Variants in EIF4B observed in about 807,000 individuals in gnomAD.
EIF4B encodes the protein eukaryotic translation initiation factor 4B.
In EIF4B, 8 loss-of-function variants were observed where a neutral mutation model predicts 79.3. The ratio of observed to expected loss-of-function variants is 0.10; its 90% CI spans 0.06 to 0.18. The LOEUF (loss-of-function observed/expected upper bound fraction) is 0.18, where lower values mean the gene tolerates loss of function less well. Ranked by LOEUF, EIF4B falls within the 10% of genes least tolerant of loss-of-function variation. EIF4B has a pLI of 1.00. For synonymous variants in EIF4B, 238 were observed against 274.7 expected (o/e 0.87, Z 1.32); for missense variants, 515 against 792.4 (o/e 0.65, Z 4.20).
intron 8 of EIF4B, among the ~76,000 whole-genome samples, chr12:53,028,568 A>G (rs1287425232): frequency 6.6e-6 from 1 of 151,928 alleles, no homozygotes; most frequent in Admixed American, 6.6e-5. Context: ...AAAAAAAAAA[A>G]AAAGCATTGG....
At chr12:53,019,421 A>G (rs1271272589) in intron 3 of EIF4B, among the ~76,000 whole-genome samples, 2 of 106,240 alleles carry the variant, frequency 1.9e-5, no homozygotes, top group East Asian at 2.3e-4. Context: ...ATAAAATCAA[A>G]ATTATATATA....
chr12:53,009,027 T>A (rs930537976), intron 1 of EIF4B, among the ~76,000 whole-genome samples: 1 of 152,116 alleles, frequency 6.6e-6, no homozygotes. Context: ...AGAGCAAGAC[T>A]CCATTTCAAA....
In EIF4B at chr12:53,019,450, C is replaced by CTTTTTTTTTTTTTTTTTTTTTTTTTTTT. The variant is rs71095966; in HGVS notation, c.361-436_361-435insTTTTTTTTTTTTTTTTTTTTTTTTTTTT. Among the ~76,000 whole-genome samples, 6 of 65,998 alleles carry CTTTTTTTTTTTTTTTTTTTTTTTTTTTT rather than the reference C, an allele frequency of 9.1e-5. 2 individuals are homozygous for CTTTTTTTTTTTTTTTTTTTTTTTTTTTT. The highest frequency in any genetic ancestry group is 1.3e-4 in the Non-Finnish European group (4 of 31,884). The allele number at this position is 65,998 out of a possible 152,430, so 43.3% of individuals were successfully genotyped here. On this transcript the variant is annotated intron_variant, in intron 3 of 14. Transcript: ENST00000262056. ...ATATATATATATATTTTTTTTTTTT[C>CTTTTTTTTTTTTTTTTTTTTTTTTTTTT]TTTTTTTTTTTTTTTTTTTTTTTTG...
chr12:53,018,315 C>G (rs1015279455), intron 2 of EIF4B, among the ~76,000 whole-genome samples: 3 of 151,938 alleles, frequency 2.0e-5, no homozygotes, highest in Admixed American at 2.0e-4. Flanking sequence ...GAGGATAGAC[C>G]ATGCAGAAAA....
chr12:53,034,296 TATA>T (rs1223936254), intron 9 of EIF4B, among the ~76,000 whole-genome samples: 1 of 152,206 alleles, frequency 6.6e-6, no homozygotes, highest in Non-Finnish European at 1.5e-5. Context: ...AGAGACCTAC[TATA>T]ATAAGTAATT....
chr12:53,014,710 T>C (rs2120898328), intron 1 of EIF4B: 1 of 152,292 alleles, frequency 6.6e-6, no homozygotes, highest in Non-Finnish European at 1.5e-5. Flanking sequence ...CAACCTTCAG[T>C]TAAACAAAGG....
chr12:53,016,589 A>G lies in EIF4B; in HGVS notation c.130A>G (p.Thr44Ala), dbSNP rs1292911933. Residue 44 changes from threonine (T) to alanine (A), a missense_variant, in exon 2 of 15, where the codon ACG becomes GCG. Thr to Ala is a moderately conservative substitution (Grantham distance 58, BLOSUM62 0). This residue lies in a region of EIF4B where 105 missense variants were observed against 177.2 expected (regional missense o/e 0.59). Transcript: ENST00000262056. The stretch of plus-strand genomic sequence containing the variant: ...CAAACCAGTCAGCTGGGCTGATGAA[A>G]CGGATGACCTGGAAGGAGATGGTAA... ...VSKPVSWADE[T>A]DDLEGDVSTT... 1 of 1,599,356 alleles carries G rather than the reference A, an allele frequency of 6.3e-7. No homozygotes were observed. Among genetic ancestry groups the G allele is most frequent in the Non-Finnish European group, 8.5e-7 (1 of 1,174,670 alleles).
chr12:53,031,186 C>T (rs1442904082), intron 8 of EIF4B, among the ~76,000 whole-genome samples: 1 of 139,930 alleles, frequency 7.1e-6, no homozygotes, highest in Admixed American at 9.8e-5. Flanking sequence ...CCTTATTCTC[C>T]TGTTTAGACC....
chr12:53,019,643 GGCATGA>G (rs1943215453), intron 3 of EIF4B, among the ~76,000 whole-genome samples: 1 of 147,526 alleles, frequency 6.8e-6, no homozygotes, highest in Non-Finnish European at 1.5e-5. Context: ...TGGGACTACA[GGCATGA>G]GCCACTGCAC....
At chr12:53,015,846 C>T (rs966891514) in intron 1 of EIF4B, among the ~76,000 whole-genome samples, 2 of 151,794 alleles carry the variant, frequency 1.3e-5, no homozygotes, top group African/African-American at 4.8e-5. Flanking sequence ...GGCATGGTGG[C>T]GGGTGCCTGT....
chr12:53,006,521 AAGG>A, intron 1 of EIF4B, 25 bp downstream of exon 1: 1 of 1,613,436 alleles, frequency 6.2e-7, no homozygotes, highest in Non-Finnish European at 8.5e-7. Context: ...GAGCGCGGCC[AAGG>A]ACTGGGCTCT....
intron 1 of EIF4B, 54 bp from the exon 2 acceptor site, chr12:53,016,419 C>A: frequency 6.2e-7 from 1 of 1,606,850 alleles, no homozygotes; most frequent in Admixed American, 1.7e-5. Flanking sequence ...CATTGTACAA[C>A]TCTGTAAATA....
intron 1 of EIF4B, chr12:53,013,489 A>G (rs1341387420): frequency 6.6e-6 from 1 of 152,200 alleles, no homozygotes; most frequent in African/African-American, 2.4e-5. Flanking sequence ...AATCTCCCAT[A>G]GATCTTTGCA....
intron 8 of EIF4B, among the ~76,000 whole-genome samples, chr12:53,030,553 C>G (rs796130716): frequency 6.7e-6 from 1 of 150,292 alleles, no homozygotes; most frequent in African/African-American, 2.4e-5. Flanking sequence ...TCCCAAGTAG[C>G]TGGGCTTGCC....
intron 1 of EIF4B, among the ~76,000 whole-genome samples, chr12:53,009,669 C>T (rs993481780): frequency 2.0e-5 from 3 of 152,132 alleles, no homozygotes; most frequent in Admixed American, 2.0e-4. Context: ...CTGACTCTCA[C>T]AGTGAAATGG....
Position 53,019,967 on chromosome 12 carries a change from G to T in EIF4B, c.418G>T (p.Gly140Cys). ...PSNPERLKGF[G>C]YAEFEDLDSL... ...CAATCCAGAGAGGTTGAAAGGTTTT[G>T]GTTATGCTGAATTTGAGGACCTGGA... The change falls in exon 4 of 15, where the codon GGT (glycine) becomes TGT (cysteine). Residue 140 changes from glycine (G) to cysteine (C), a missense_variant. Physicochemically the swap from Gly to Cys is radical, Grantham distance 159. Transcript: ENST00000262056. 6.2e-7 allele frequency: 1 copy of T among 1,612,966 alleles called. No homozygotes were observed. The highest frequency in any genetic ancestry group is 8.5e-7 in the Non-Finnish European group (1 of 1,179,692).
At chr12:53,018,712 T>C in intron 2 of EIF4B, 86 bp from the exon 3 acceptor site, 1 of 1,490,724 alleles carries the variant, frequency 6.7e-7, no homozygotes, top group South Asian at 1.2e-5. Context: ...ATGTTTAATA[T>C]TTGGCAATTA....
intron 13 of EIF4B, 72 bp from the exon 14 acceptor site, chr12:53,039,558 T>A: frequency 6.4e-7 from 1 of 1,556,548 alleles, no homozygotes; most frequent in Non-Finnish European, 8.8e-7. Flanking sequence ...GCCTTGAAAC[T>A]GCATGCATAC....
chr12:53,023,478 G>A (rs548199407), intron 6 of EIF4B, among the ~76,000 whole-genome samples: 4 of 151,946 alleles, frequency 2.6e-5, no homozygotes, highest in Non-Finnish European at 4.4e-5. Context: ...TGATCCGCCC[G>A]CCTTGGCCTC....
Sources: gnomAD v4.1 joint callset for allele counts (sites outside exome capture counted in the v4.1 genomes callset) on GRCh38, gnomAD v4.1.1 for gene constraint, gnomAD v4.1.1 regional missense constraint, MANE v1.5 for transcripts, NCBI Gene and HGNC (gene_info 2026-07-23, HGNC 2026-07-21) for gene names.